Variants in SYS1 observed in about 807,000 individuals in gnomAD.
SYS1 encodes SYS1 golgi trafficking protein.
SYS1 carries 8 observed loss-of-function variants against 17.8 expected under a neutral mutation model. The observed-to-expected ratio is 0.45, with a 90% confidence interval of 0.26 to 0.81. The LOEUF (loss-of-function observed/expected upper bound fraction) is 0.81. Ranked by LOEUF, SYS1 falls within the 40% of genes least tolerant of loss-of-function variation. SYS1 has a pLI of 0.16. For missense variants in SYS1, 161 were observed against 203.9 expected (o/e 0.79, Z 1.28); for synonymous variants, 95 against 90.9 (o/e 1.05, Z -0.26).
upstream of SYS1, chr20:45,363,090 A>C: frequency 1.0e-6 from 1 of 996,672 alleles, no homozygotes. Context: ...GTTCAGGCAG[A>C]GGTTGCACCC....
chr20:45,365,790 G>A (rs771360924), intron 3 of SYS1, 104 bp downstream of exon 3: 20 of 1,164,786 alleles, frequency 1.7e-5, no homozygotes, highest in Non-Finnish European at 2.5e-5. Flanking sequence ...CTGGGGAGTG[G>A]TGGAGTAAAG....
chr20:45,374,356 T>C (rs1988655664), exon 4 of SYS1: 2 of 666,114 alleles, frequency 3.0e-6, no homozygotes, highest in Admixed American at 2.4e-5. Flanking sequence ...CACTGCAGCC[T>C]CGACTCCTGG....
chr20:45,369,988 A>C (rs935177949), downstream of SYS1, among the ~76,000 whole-genome samples: 3 of 151,050 alleles, frequency 2.0e-5, no homozygotes, highest in Admixed American at 2.0e-4. Context: ...GCAGTGGCCC[A>C]ATCTCAGCTT....
intron 3 of SYS1, among the ~76,000 whole-genome samples, chr20:45,366,400 A>G (rs1325154119): frequency 6.6e-6 from 1 of 152,186 alleles, no homozygotes; most frequent in African/African-American, 2.4e-5. Flanking sequence ...TGTCTTCCAG[A>G]TAGGTTCTAT....
At chr20:45,373,511 C>G, downstream of SYS1, 1 of 249,224 alleles carries the variant, frequency 4.0e-6, no homozygotes, top group Non-Finnish European at 7.9e-6. Flanking sequence ...TTTTCCCTTT[C>G]TTGGGAAAAT....
rs8114155 is a variant in SYS1, at chr20:45,374,360, C to T, written c.*66C>T. On this transcript the variant is annotated 3_prime_UTR_variant, in exon 4 of 4. Coordinates refer to the SYS1 transcript ENST00000426004. ...AAGTCACAGCTCACTGCAGCCTCGACTCCTGGGCTTAAGCGATCCTCCGAC... is the reference window on the plus strand; with the variant it reads ...AAGTCACAGCTCACTGCAGCCTCGATTCCTGGGCTTAAGCGATCCTCCGAC... 1,599 of 659,076 alleles carry T rather than the reference C, an allele frequency of 2.4e-3. 18 individuals carry two copies. The highest frequency in any genetic ancestry group is 0.023 in the African/African-American group (1,281 of 54,984). 40.8% of individuals were successfully genotyped at this position (659,076 alleles called of 1,614,324 possible). A position where few individuals can be genotyped will look rare whatever the true frequency, so the allele number is the denominator to read the frequency against.
At chr20:45,369,966 C>T (rs1006996870), downstream of SYS1, among the ~76,000 whole-genome samples, 1 of 151,222 alleles carries the variant, frequency 6.6e-6, no homozygotes, top group Non-Finnish European at 1.5e-5. Context: ...ACTTCATTAC[C>T]CAGGCTGGAA....
At chr20:45,366,836 A>G in intron 3 of SYS1, 39 bp from the exon 4 acceptor site, 1 of 1,577,734 alleles carries the variant, frequency 6.3e-7, no homozygotes, top group Non-Finnish European at 8.7e-7. Context: ...TAAGGCCAGG[A>G]CAACCCAGTG....
chr20:45,367,297 G>A lies in SYS1; in HGVS notation c.*182G>A. The A allele has an allele frequency of 1.4e-6, 2 of 1,426,856 alleles. No homozygotes were observed. Among genetic ancestry groups the A allele is most frequent in the Non-Finnish European group, 1.8e-6 (2 of 1,093,248 alleles). 88.4% of individuals were successfully genotyped at this position (1,426,856 alleles called of 1,614,324 possible). ...GCAGGTAGCAGTCAGCATGACAGCT[G>A]CAAGAATGACCTCTGTCTGTTGAAG... On this transcript the variant is annotated 3_prime_UTR_variant, in exon 4 of 4. Transcript: ENST00000243918.
downstream of SYS1, among the ~76,000 whole-genome samples, chr20:45,371,399 G>A (rs1357427428): frequency 6.6e-6 from 1 of 150,772 alleles, no homozygotes; most frequent in Non-Finnish European, 1.5e-5. Flanking sequence ...TTCAAATGTT[G>A]GGGGATAGGC....
rs201572825 is a variant in SYS1 at position 45,375,554 on chromosome 20, T to C, written c.*1260T>C. On this transcript the variant is annotated 3_prime_UTR_variant, in exon 4 of 4. Coordinates refer to the SYS1 transcript ENST00000426004. ...GTTTTATTGCAGGCACTGTTTTCCC[T>C]GGCAGGGAGAGGAAAGGCAGTCAGC... The C allele has an allele frequency of 9.7e-5, 156 of 1,602,498 alleles. No homozygotes were observed. The Middle Eastern group carries it at 1.2e-3, about 12-fold the overall frequency.
chr20:45,375,143 C>T (rs202143507), exon 4 of SYS1: 1 of 1,614,160 alleles, frequency 6.2e-7, no homozygotes, highest in East Asian at 2.2e-5. Flanking sequence ...ACCCTGGGCG[C>T]CGGGAGGTGG....
rs1469339745 is a variant in SYS1, at chr20:45,365,632, CCA to C, written c.178_179del (p.Thr60ProfsTer93). On this transcript the variant is annotated frameshift_variant, in exon 3 of 4. Transcript: ENST00000243918. LOFTEE classifies it high-confidence loss of function. The stretch of plus-strand genomic sequence containing the variant: ...ATTCCCCCTCAGATCCTGGGCTTTT[CCA>C]CCCCTCCAGGCCGGCTCTCCATGAT... The C allele has an allele frequency of 1.2e-6, 2 of 1,614,048 alleles. No individual in the cohort carries two copies. Among genetic ancestry groups the C allele is most frequent in the Non-Finnish European group, 1.7e-6 (2 of 1,180,020 alleles).
At chr20:45,369,819 A>G (rs747360757), downstream of SYS1, among the ~76,000 whole-genome samples, 2 of 151,666 alleles carry the variant, frequency 1.3e-5, no homozygotes, top group African/African-American at 2.4e-5. Context: ...GGGCTTTGCC[A>G]CTTTGCCCAG....
rs116953383 is a variant in SYS1 at position 45,368,168 on chromosome 20, G to A, written c.*1053G>A. 23 of 985,406 alleles carry A rather than the reference G, an allele frequency of 2.3e-5. No individual in the cohort carries two copies. The highest frequency in any genetic ancestry group is 2.8e-5 in the Non-Finnish European group (23 of 829,924). The allele number at this position is 985,406 out of a possible 1,614,324, so 61.0% of individuals were successfully genotyped here. ...ACGGTTGAGATTGAGAGAGATCAGCGCAGCCAGGCAAGGGAACTTTAAAGA... is the reference window on the plus strand; with the variant it reads ...ACGGTTGAGATTGAGAGAGATCAGCACAGCCAGGCAAGGGAACTTTAAAGA... On this transcript the variant is annotated 3_prime_UTR_variant, in exon 4 of 4. Transcript: ENST00000243918.
At chr20:45,364,114 C>T (rs947066528) in intron 2 of SYS1, among the ~76,000 whole-genome samples, 1 of 152,174 alleles carries the variant, frequency 6.6e-6, no homozygotes, top group Non-Finnish European at 1.5e-5. Flanking sequence ...AGCTGTGTGA[C>T]CTGGGGCAAA....
chr20:45,367,317 T>G lies in SYS1; in HGVS notation c.*202T>G. 1 of 1,410,120 alleles carries G rather than the reference T, an allele frequency of 7.1e-7. No homozygotes were observed. The highest frequency in any genetic ancestry group is 9.2e-7 in the Non-Finnish European group (1 of 1,084,010). 87.4% of individuals were successfully genotyped at this position (1,410,120 alleles called of 1,614,324 possible). A position where few individuals can be genotyped will look rare whatever the true frequency, so the allele number is the denominator to read the frequency against. On this transcript the variant is annotated 3_prime_UTR_variant, in exon 4 of 4. Transcript: ENST00000243918. ...CAGCTGCAAGAATGACCTCTGTCTG[T>G]TGAAGCCTTGGTATCTGAGAGGTCA...
chr20:45,362,391 A>G (rs1431462574), upstream of SYS1, among the ~76,000 whole-genome samples: 1 of 151,496 alleles, frequency 6.6e-6, no homozygotes, highest in East Asian at 1.9e-4. Context: ...TTAGAGACGG[A>G]GTTTTGCTCT....
downstream of SYS1, among the ~76,000 whole-genome samples, chr20:45,370,598 G>T (rs2743436): frequency 6.6e-6 from 1 of 152,124 alleles, no homozygotes; most frequent in African/African-American, 2.4e-5. Flanking sequence ...ACAATGGGAA[G>T]CTCCAGGACT....
Sources: allele counts gnomAD v4.1 joint callset (sites outside exome capture counted in the v4.1 genomes callset), GRCh38; gene constraint gnomAD v4.1.1; transcripts MANE v1.5; gene names NCBI Gene and HGNC (gene_info 2026-07-23, HGNC 2026-07-21).